LIMCH1: variants seen among roughly 807,000 people sequenced by gnomAD.
The protein encoded by LIMCH1 is LIM and calponin homology domains 1, also known as LIM and calponin homology domains-containing protein 1.
In LIMCH1, 113 loss-of-function variants were observed where a neutral mutation model predicts 176.5. The ratio of observed to expected loss-of-function variants is 0.64; its 90% CI spans 0.55 to 0.75. The LOEUF is 0.75. Ranked by LOEUF, LIMCH1 falls within the 30% of genes least tolerant of loss-of-function variation. The pLI is 0.00. For synonymous variants in LIMCH1, 619 were observed against 645.9 expected (o/e 0.96, Z 0.63); for missense variants, 1,674 against 1,814.9 (o/e 0.92, Z 1.41).
At chr4:41,647,034 G>A in intron 17 of LIMCH1, 141 bp downstream of exon 17, 1 of 801,230 alleles carries the variant, frequency 1.2e-6, no homozygotes, top group Non-Finnish European at 1.9e-6. Flanking sequence ...GAAAGTCATA[G>A]GTCTCTGGAG....
intron 13 of LIMCH1, among the ~76,000 whole-genome samples, chr4:41,636,383 A>C (rs913861161): frequency 4.8e-5 from 3 of 62,462 alleles, no homozygotes; most frequent in Non-Finnish European, 6.6e-5. Context: ...TTACTTTTTG[A>C]TCTCCTGTAG....
intron 1 of LIMCH1, among the ~76,000 whole-genome samples, chr4:41,584,584 G>A (rs2086110726): frequency 6.6e-6 from 1 of 152,160 alleles, no homozygotes; most frequent in South Asian, 2.1e-4. Context: ...CTCAAGTGGG[G>A]AGTATTTTAT....
chr4:41,433,230 A>T (rs1227935785), intron 1 of LIMCH1, among the ~76,000 whole-genome samples: 10 of 152,188 alleles, frequency 6.6e-5, no homozygotes, highest in Admixed American at 2.0e-4. Flanking sequence ...ATTCTTTTGA[A>T]ATGGCTGCTT....
At chr4:41,574,470 A>G (rs1395680191) in intron 1 of LIMCH1, among the ~76,000 whole-genome samples, 2 of 151,504 alleles carry the variant, frequency 1.3e-5, no homozygotes, top group Non-Finnish European at 2.9e-5. Flanking sequence ...TGTATTTTTC[A>G]TGGAGATGAG....
At chr4:41,685,274 G>A (rs1719774420) in intron 27 of LIMCH1, among the ~76,000 whole-genome samples, 1 of 152,172 alleles carries the variant, frequency 6.6e-6, no homozygotes, top group African/African-American at 2.4e-5. Context: ...ATTTGTGCGT[G>A]TTCCCAAATG....
chr4:41,371,945 G>A (rs1581148319), intron 1 of LIMCH1, among the ~76,000 whole-genome samples: 1 of 152,194 alleles, frequency 6.6e-6, no homozygotes, highest in African/African-American at 2.4e-5. Context: ...TGCAAGTTGC[G>A]ATGGTTCATG....
At position 41,697,379 on chromosome 4, in the gene LIMCH1, T is replaced by A; in HGVS notation, c.*194T>A. The A allele has an allele frequency of 1.7e-6, 1 of 579,438 alleles. No individual in the cohort carries two copies. Among genetic ancestry groups the A allele is most frequent in the Non-Finnish European group, 3.1e-6 (1 of 327,304 alleles). 35.9% of individuals were successfully genotyped at this position (579,438 alleles called of 1,614,324 possible). A position where few individuals can be genotyped will look rare whatever the true frequency, so the allele number is the denominator to read the frequency against. On this transcript the variant is annotated 3_prime_UTR_variant, in exon 32 of 32. Transcript: ENST00000503057. ...CCTGTTTATTGTTTTGGTTTTTTTTTTTTTTTTGCATTTGCACAGTATACA... is the reference window on the plus strand; with the variant it reads ...CCTGTTTATTGTTTTGGTTTTTTTTATTTTTTTGCATTTGCACAGTATACA...
intron 1 of LIMCH1, among the ~76,000 whole-genome samples, chr4:41,378,686 A>G (rs1402938617): frequency 2.0e-5 from 3 of 152,236 alleles, no homozygotes; most frequent in South Asian, 4.1e-4. Flanking sequence ...TGATGGCAAC[A>G]TCAGTGGGAA....
At chr4:41,569,088 C>T (rs79148327) in intron 1 of LIMCH1, among the ~76,000 whole-genome samples, 3,031 of 152,154 alleles carry the variant, frequency 0.02, 102 homozygotes, top group African/African-American at 0.069. Flanking sequence ...TGTGTAAATG[C>T]CTACACCCGA....
At chr4:41,621,762 G>A (rs772760029) in intron 7 of LIMCH1, among the ~76,000 whole-genome samples, 15 of 151,938 alleles carry the variant, frequency 9.9e-5, no homozygotes, top group Non-Finnish European at 1.2e-4. Context: ...GTCCAGAAGT[G>A]GGAGCTGAGG....
At chr4:41,687,362 G>A (rs544959669) in intron 28 of LIMCH1, among the ~76,000 whole-genome samples, 1 of 152,234 alleles carries the variant, frequency 6.6e-6, no homozygotes, top group African/African-American at 2.4e-5. Context: ...GTTGATAAGG[G>A]AAGTCACTGA....
At chr4:41,582,146 T>C (rs2085600486) in intron 1 of LIMCH1, among the ~76,000 whole-genome samples, 1 of 152,214 alleles carries the variant, frequency 6.6e-6, no homozygotes, top group Admixed American at 6.5e-5. Flanking sequence ...ATAGTGCTAG[T>C]CCTAAAATAG....
chr4:41,398,029 GTA>G (rs2057993065), intron 1 of LIMCH1, among the ~76,000 whole-genome samples: 1 of 151,838 alleles, frequency 6.6e-6, no homozygotes, highest in South Asian at 2.1e-4. Flanking sequence ...GAAAAGAAAG[GTA>G]AATTATATGA....
chr4:41,561,639 T>TAG (rs2082080956), intron 1 of LIMCH1, among the ~76,000 whole-genome samples: 1 of 152,184 alleles, frequency 6.6e-6, no homozygotes, highest in Non-Finnish European at 1.5e-5. Flanking sequence ...TCTCTTGCTC[T>TAG]TCAGTTCATA....
chr4:41,531,515 C>CACAA (rs763489174), intron 3 of LIMCH1, among the ~76,000 whole-genome samples: 1 of 105,774 alleles, frequency 9.5e-6, no homozygotes, highest in Non-Finnish European at 1.8e-5. Context: ...CACACACACA[C>CACAA]ATACACACCT....
At chr4:41,549,359 A>T (rs1030600176) in intron 1 of LIMCH1, among the ~76,000 whole-genome samples, 4 of 152,180 alleles carry the variant, frequency 2.6e-5, no homozygotes, top group African/African-American at 9.7e-5. Flanking sequence ...TCTTTTACAG[A>T]TGAGGAGACT....
chr4:41,629,236 T>A (rs1307847427), intron 8 of LIMCH1, among the ~76,000 whole-genome samples: 1 of 152,202 alleles, frequency 6.6e-6, no homozygotes, highest in Non-Finnish European at 1.5e-5. Context: ...GCACGGCTTC[T>A]TTTCCTAAAC....
At chr4:41,489,626 T>A (rs1287413559) in intron 1 of LIMCH1, among the ~76,000 whole-genome samples, 4 of 152,154 alleles carry the variant, frequency 2.6e-5, no homozygotes, top group African/African-American at 4.8e-5. Flanking sequence ...AGAATTTAAT[T>A]CCATTGCAAT....
chr4:41,613,094 T>TG (rs751130840), intron 4 of LIMCH1: 162 of 1,552,064 alleles, frequency 1.0e-4, no homozygotes, highest in Non-Finnish European at 1.3e-4. Context: ...GAAAGACAAG[T>TG]CAAGGTTAAG....
Sources: gnomAD v4.1 joint callset for allele counts (sites outside exome capture counted in the v4.1 genomes callset) on GRCh38, gnomAD v4.1.1 for gene constraint, MANE v1.5 for transcripts, NCBI Gene and HGNC (gene_info 2026-07-23, HGNC 2026-07-21) for gene names.